The following IPPK variants were observed in gnomAD, a reference collection of about 807,000 sequenced individuals.
IPPK encodes the protein inositol-pentakisphosphate 2-kinase.
A neutral mutation model predicts 64.6 loss-of-function variants in IPPK; 22 were observed. The observed-to-expected ratio is 0.34, with a 90% CI of 0.24 to 0.49. IPPK has a LOEUF of 0.49. Ranked by LOEUF, IPPK falls within the 20% of genes least tolerant of loss-of-function variation. The pLI is 0.99. For synonymous variants in IPPK, 262 were observed against 247.2 expected (o/e 1.06, Z -0.56); for missense variants, 532 against 630.7 (o/e 0.84, Z 1.68).
intron 1 of IPPK, among the ~76,000 whole-genome samples, chr9:92,661,893 G>A (rs1852492211): frequency 6.6e-6 from 1 of 152,260 alleles, no homozygotes; most frequent in African/African-American, 2.4e-5. Flanking sequence ...GCCAGGCTGA[G>A]GGCTTCGTAA....
chr9:92,656,155 G>A (rs1422542574), intron 3 of IPPK, among the ~76,000 whole-genome samples: 2 of 152,178 alleles, frequency 1.3e-5, no homozygotes, highest in South Asian at 2.1e-4. Context: ...AGAGAGCAAT[G>A]CCATTGCTTG....
rs1297884927 is a variant in IPPK at position 92,614,769 on chromosome 9, A to C, written c.*1063T>G. The C allele has an allele frequency of 6.6e-6, 1 of 152,608 alleles. No homozygotes were observed. The highest frequency in any genetic ancestry group is 1.5e-5 in the Non-Finnish European group (1 of 68,046). 9.5% of individuals were successfully genotyped at this position (152,608 alleles called of 1,614,324 possible). Reference sequence around the variant, plus strand: ...ACCTAGCATAGAATAAAAAACTGAAACCAAGATTCCCAACGTTTTTCATAG... The same window carrying C: ...ACCTAGCATAGAATAAAAAACTGAACCCAAGATTCCCAACGTTTTTCATAG... On this transcript the variant is annotated 3_prime_UTR_variant, in exon 13 of 13. Coordinates refer to ENST00000287996, the MANE Select transcript of IPPK (RefSeq NM_022755.6).
At position 92,650,305 on chromosome 9, in the gene IPPK, C is replaced by T. The variant is rs986069420; in HGVS notation, c.293-731G>A. Among the ~76,000 whole-genome samples the T allele has an allele frequency of 2.0e-5, 3 of 150,700 alleles. 1 individual carries two copies. Among genetic ancestry groups the T allele is most frequent in the Admixed American group, 1.3e-4 (2 of 15,108 alleles). On this transcript the variant is annotated intron_variant, in intron 4 of 12. Transcript: ENST00000287996. ...TGTGCGCCACTGCACTACCGCCTGGCGAAGGAGCAAGACTCCATCTCAAAA... is the reference window on the plus strand; with the variant it reads ...TGTGCGCCACTGCACTACCGCCTGGTGAAGGAGCAAGACTCCATCTCAAAA...
intron 4 of IPPK, among the ~76,000 whole-genome samples, chr9:92,651,402 G>A: frequency 6.6e-6 from 1 of 152,218 alleles, no homozygotes; most frequent in South Asian, 2.1e-4. Flanking sequence ...TGGGGATGGA[G>A]GAGAAAGGGA....
chr9:92,652,066 T>C (rs1238146057), intron 4 of IPPK, among the ~76,000 whole-genome samples: 1 of 152,090 alleles, frequency 6.6e-6, no homozygotes, highest in African/African-American at 2.4e-5. Context: ...TCACATATTC[T>C]GTGCAGTGCT....
intron 9 of IPPK, among the ~76,000 whole-genome samples, chr9:92,636,752 T>A (rs530513668): frequency 6.6e-6 from 1 of 152,312 alleles, no homozygotes; most frequent in South Asian, 2.1e-4. Context: ...TATGATCTTA[T>A]TGTTTTAAAC....
intron 1 of IPPK, among the ~76,000 whole-genome samples, chr9:92,660,020 G>C (rs1289596330): frequency 6.6e-6 from 1 of 152,010 alleles, no homozygotes; most frequent in Non-Finnish European, 1.5e-5. Flanking sequence ...TCAATCATGG[G>C]AATCGACTGG....
At chr9:92,628,404 C>G (rs1172003025) in intron 11 of IPPK, among the ~76,000 whole-genome samples, 1 of 152,236 alleles carries the variant, frequency 6.6e-6, no homozygotes, top group African/African-American at 2.4e-5. Context: ...AGAACTCACA[C>G]TTCTCCATTT....
intron 12 of IPPK, 43 bp from the exon 13 acceptor site, chr9:92,616,100 T>A: frequency 3.0e-6 from 4 of 1,355,906 alleles, no homozygotes; most frequent in Non-Finnish European, 4.2e-6. Flanking sequence ...AAGCCCCCCA[T>A]TCATTTCCCT....
At position 92,634,405 on chromosome 9, in the gene IPPK, A is replaced by C. The variant is rs1435623446; in HGVS notation, c.1151T>G (p.Val384Gly). Reference sequence around the variant, plus strand: ...GCCCACCTTCGTTAGCGCGAAGGCCACTGTCCCGTCATCCTCAGTGGAAAG... The same window carrying C: ...GCCCACCTTCGTTAGCGCGAAGGCCCCTGTCCCGTCATCCTCAGTGGAAAG... The part of the protein sequence containing the change: ...LDLSTEDDGT[V>G]AFALTKVQQY... The change falls in exon 11 of 13, where the codon GTG becomes GGG. Residue 384 changes from valine to glycine, a missense_variant. By Grantham distance (109) the Val-to-Gly change is moderately radical. Transcript: ENST00000287996. The C allele has an allele frequency of 6.2e-7, 1 of 1,613,974 alleles. No individual in the cohort carries two copies. The highest frequency in any genetic ancestry group is 1.3e-5 in the African/African-American group (1 of 75,046).
rs548567278 is a variant in IPPK at position 92,625,972 on chromosome 9, A to C, written c.1171-6407T>G. Among the ~76,000 whole-genome samples the C allele has an allele frequency of 2.0e-3, 300 of 152,322 alleles. 1 individual carries two copies. Among genetic ancestry groups the C allele is most frequent in the African/African-American group, 7.0e-3 (290 of 41,562 alleles). ...TTATTGTATCTGATATCAGAATATA[A>C]AATAACTTCATAAATTGCTTAAAGA... On this transcript the variant is annotated intron_variant, in intron 11 of 12. Transcript: ENST00000287996.
intron 9 of IPPK, among the ~76,000 whole-genome samples, chr9:92,636,033 C>G (rs1028326806): frequency 6.6e-6 from 1 of 152,140 alleles, no homozygotes; most frequent in Non-Finnish European, 1.5e-5. Context: ...AAACAAAACT[C>G]CACTTGCCAC....
At chr9:92,621,044 CTT>C (rs1286821264) in intron 11 of IPPK, among the ~76,000 whole-genome samples, 4 of 152,228 alleles carry the variant, frequency 2.6e-5, no homozygotes, top group African/African-American at 9.6e-5. Flanking sequence ...CCACAGCCCT[CTT>C]TTCACTGTCA....
rs1564031536 is a variant in IPPK at position 92,635,326 on chromosome 9, G to A, written c.917-18C>T. On this transcript the variant is annotated intron_variant, in intron 9 of 12. Coordinates refer to ENST00000287996, the MANE Select transcript of IPPK (RefSeq NM_022755.6). This position sits in a 1 kb window ranked among gnomAD's most constrained non-coding sequence, Gnocchi z 4.4. ...GTTTTTTCCTACCGAGAACATCAGG[G>A]GAAAACGAGAGCATGTTGATTATCA... 6.2e-7 allele frequency: 1 copy of A among 1,603,088 alleles called. No individual in the cohort carries two copies. The highest frequency in any genetic ancestry group is 8.5e-7 in the Non-Finnish European group (1 of 1,174,970).
chr9:92,654,574 C>T (rs12684001), intron 3 of IPPK, among the ~76,000 whole-genome samples: 5 of 152,184 alleles, frequency 3.3e-5, no homozygotes, highest in Non-Finnish European at 7.3e-5. Context: ...ACTACATTGG[C>T]GAGTGTGGAC....
rs551057287 is a variant in IPPK, at chr9:92,659,783, C to G, written c.82-1102G>C. Among the ~76,000 whole-genome samples, 9 of 152,262 alleles carry G rather than the reference C, an allele frequency of 5.9e-5. No homozygotes were observed. In the East Asian group the frequency reaches 1.7e-3, roughly 30 times the overall value. ...AAGCCAGACTCCCCCACCCGCTCCC[C>G]GCAGCCCTACTTAGACAATGTACGT... On this transcript the variant is annotated intron_variant, in intron 1 of 12. Transcript: ENST00000287996.
At chr9:92,664,414 C>A (rs1165900869) in intron 1 of IPPK, among the ~76,000 whole-genome samples, 1 of 152,192 alleles carries the variant, frequency 6.6e-6, no homozygotes, top group African/African-American at 2.4e-5. Context: ...GGGGTCAGGG[C>A]GCAGTAAGTG....
intron 7 of IPPK, among the ~76,000 whole-genome samples, chr9:92,641,787 G>A (rs1040288366): frequency 3.9e-5 from 6 of 152,200 alleles, no homozygotes; most frequent in South Asian, 4.1e-4. Context: ...GACAAAGGCA[G>A]GGGCACGAAA....
At chr9:92,662,159 T>C (rs935088659) in intron 1 of IPPK, among the ~76,000 whole-genome samples, 9 of 152,132 alleles carry the variant, frequency 5.9e-5, no homozygotes, top group South Asian at 2.1e-4. Context: ...ACACTACTCC[T>C]CTTAAAAAAA....
Sources: gnomAD v4.1 joint callset for allele counts (sites outside exome capture counted in the v4.1 genomes callset) on GRCh38, gnomAD v4.1.1 for gene constraint, Gnocchi (gnomAD v3.1) non-coding constraint, MANE v1.5 for transcripts, NCBI Gene and HGNC (gene_info 2026-07-23, HGNC 2026-07-21) for gene names.